AFF2: variants seen among roughly 807,000 people sequenced by gnomAD.
The protein encoded by AFF2 is ALF transcription elongation factor 2, also known as AF4/FMR2 family member 2.
AFF2 carries 14 observed loss-of-function variants against 76.9 expected under a neutral mutation model. The ratio of observed to expected loss-of-function variants is 0.18; its 90% CI spans 0.12 to 0.28. AFF2 has a LOEUF of 0.28. Among genes scored for constraint, AFF2 ranks in the 10% least tolerant of loss-of-function variants. The pLI is 1.00. For missense variants in AFF2, 868 were observed against 1,001.1 expected (o/e 0.87, Z 1.79); for synonymous variants, 398 against 366.7 (o/e 1.09, Z -0.98).
intron 4 of AFF2, among the ~76,000 whole-genome samples, chrX:148,821,972 G>A (rs2070333446): frequency 8.9e-6 from 1 of 111,903 alleles, no homozygotes; most frequent in East Asian, 2.8e-4. Context: ...TGACCTCATA[G>A]TGTTATTTCC....
At chrX:148,510,315 T>G (rs1557232982) in intron 1 of AFF2, among the ~76,000 whole-genome samples, 1 of 111,894 alleles carries the variant, frequency 8.9e-6, no homozygotes, top group Non-Finnish European at 1.9e-5. Context: ...GGTTCTGATT[T>G]GTGTTATCCG....
At chrX:148,762,474 A>ATGTG (rs2069462096) in intron 3 of AFF2, among the ~76,000 whole-genome samples, 1 of 51,310 alleles carries the variant, frequency 1.9e-5, no homozygotes, top group South Asian at 1.3e-3. Context: ...GTGTGTACAT[A>ATGTG]TGTATATGTG....
In AFF2 at chrX:148,632,844, G is replaced by C. The variant is rs782421990; in HGVS notation, c.48-19155G>C. 2.7e-5 allele frequency among the ~76,000 whole-genome samples: 3 copies of C among 111,838 alleles called. No homozygotes were observed. In the East Asian group the frequency reaches 8.5e-4, roughly 32 times the overall value. ...ATGTGAGGAAGCTGAGGCCCAATAG[G>C]GTTAAATGATCTGCTCAAGGTCACT... On this transcript the variant is annotated intron_variant, in intron 1 of 20. Coordinates refer to ENST00000370460, the MANE Select transcript of AFF2 (RefSeq NM_002025.4).
chrX:148,817,908 A>G (rs1410832600), intron 4 of AFF2, among the ~76,000 whole-genome samples: 1 of 112,023 alleles, frequency 8.9e-6, no homozygotes, highest in Non-Finnish European at 1.9e-5. Context: ...AAGACACTTG[A>G]CAAAACTGAA....
At chrX:148,880,847 T>C (rs985109736) in intron 7 of AFF2, among the ~76,000 whole-genome samples, 2 of 111,596 alleles carry the variant, frequency 1.8e-5, no homozygotes, top group Admixed American at 1.9e-4. Context: ...AGCTGCAAGG[T>C]AGAAGGTACA....
At chrX:148,599,364 CT>C (rs782177431) in intron 1 of AFF2, among the ~76,000 whole-genome samples, 1 of 111,947 alleles carries the variant, frequency 8.9e-6, no homozygotes, top group Non-Finnish European at 1.9e-5. Flanking sequence ...AAGTGAAGAG[CT>C]GTCTTTGAAA....
chrX:148,781,318 C>T (rs905600411), intron 3 of AFF2, among the ~76,000 whole-genome samples: 1 of 112,425 alleles, frequency 8.9e-6, no homozygotes, highest in African/African-American at 3.2e-5. Context: ...GCTGAAGCTG[C>T]GCCCACAGCT....
At chrX:148,537,698 G>T (rs1432261574) in intron 1 of AFF2, among the ~76,000 whole-genome samples, 1 of 110,626 alleles carries the variant, frequency 9.0e-6, no homozygotes, top group East Asian at 2.8e-4. Context: ...CTGGCTGCAT[G>T]TGTTACTTTT....
chrX:148,519,552 C>T (rs1267634338), intron 1 of AFF2, among the ~76,000 whole-genome samples: 6 of 111,897 alleles, frequency 5.4e-5, no homozygotes, highest in African/African-American at 1.9e-4. Flanking sequence ...AGAGAAGAAT[C>T]TAAACTATTC....
intron 1 of AFF2, among the ~76,000 whole-genome samples, chrX:148,645,316 A>T (rs974512765): frequency 6.2e-5 from 7 of 112,275 alleles, no homozygotes; most frequent in Non-Finnish European, 1.3e-4. Flanking sequence ...TGTAACCTTT[A>T]CACTAACCAT....
At chrX:148,812,797 C>T (rs963068920) in intron 4 of AFF2, among the ~76,000 whole-genome samples, 6 of 111,951 alleles carry the variant, frequency 5.4e-5, no homozygotes, top group Non-Finnish European at 1.1e-4. Flanking sequence ...TTTGTTATGG[C>T]CCCCTTTCTC....
chrX:148,735,820 T>C (rs2055278599), intron 3 of AFF2, among the ~76,000 whole-genome samples: 1 of 111,292 alleles, frequency 9.0e-6, no homozygotes, highest in Non-Finnish European at 1.9e-5. Context: ...TCTTATGCCT[T>C]TGTGTCCTCA....
chrX:148,648,224 T>C (rs781859125), intron 1 of AFF2, among the ~76,000 whole-genome samples: 12 of 111,378 alleles, frequency 1.1e-4, no homozygotes, highest in African/African-American at 3.6e-4. Context: ...CCTCTGTTTG[T>C]GGTGGCTAGG....
At chrX:148,569,645 C>CTG (rs2053207134) in intron 1 of AFF2, among the ~76,000 whole-genome samples, 1 of 111,065 alleles carries the variant, frequency 9.0e-6, no homozygotes, top group Non-Finnish European at 1.9e-5. Flanking sequence ...CTGAGGATAA[C>CTG]TGTGTGTGTG....
chrX:148,748,489 A>G (rs2055453890), intron 3 of AFF2, among the ~76,000 whole-genome samples: 1 of 112,047 alleles, frequency 8.9e-6, no homozygotes, highest in African/African-American at 3.2e-5. Context: ...ACTCCCGAAG[A>G]GCAAATACCG....
intron 7 of AFF2, among the ~76,000 whole-genome samples, chrX:148,869,745 TAGA>T (rs1482635434): frequency 8.9e-6 from 1 of 111,947 alleles, no homozygotes; most frequent in Non-Finnish European, 1.9e-5. Context: ...TTCCAGATGT[TAGA>T]AGTCCAATAA....
chrX:148,690,438 T>C (rs2054639475), intron 3 of AFF2, among the ~76,000 whole-genome samples: 1 of 111,812 alleles, frequency 8.9e-6, no homozygotes, highest in African/African-American at 3.2e-5. Context: ...AGTCTAAACC[T>C]CATTTAGACA....
chrX:148,882,620 C>G (rs1383142989), intron 7 of AFF2, among the ~76,000 whole-genome samples: 1 of 111,433 alleles, frequency 9.0e-6, no homozygotes, highest in Non-Finnish European at 1.9e-5. Context: ...ATGAATTTGT[C>G]TATGGAATTA....
At chrX:148,531,185 T>C (rs2052725776) in intron 1 of AFF2, among the ~76,000 whole-genome samples, 1 of 111,512 alleles carries the variant, frequency 9.0e-6, no homozygotes, top group South Asian at 3.7e-4. Context: ...GTCTTCCCCA[T>C]CCCCCATCTG....
Sources: gnomAD v4.1 joint callset for allele counts (sites outside exome capture counted in the v4.1 genomes callset) on GRCh38, gnomAD v4.1.1 for gene constraint, MANE v1.5 for transcripts, NCBI Gene and HGNC (gene_info 2026-07-23, HGNC 2026-07-21) for gene names.